DST: variants seen among roughly 807,000 people sequenced by gnomAD.
DST encodes dystonin.
A neutral mutation model predicts 875.2 loss-of-function variants in DST; 253 were observed. The ratio of observed to expected loss-of-function variants is 0.29; its 90% CI spans 0.26 to 0.32. DST has a LOEUF of 0.32. Among genes scored for constraint, DST ranks in the 10% least tolerant of loss-of-function variants. DST has a pLI of 1.00. For synonymous variants in DST, 3,124 were observed against 3,197.1 expected (o/e 0.98, Z 0.77); for missense variants, 8,287 against 9,111.6 (o/e 0.91, Z 3.68).
At chr6:56,516,026 A>G (rs962798995) in intron 71 of DST, among the ~76,000 whole-genome samples, 7 of 152,082 alleles carry the variant, frequency 4.6e-5, no homozygotes, top group African/African-American at 1.7e-4. Context: ...GAAATTGTCA[A>G]AATTTTTAGT....
chr6:56,649,889 G>A (rs1057050675), intron 12 of DST, among the ~76,000 whole-genome samples: 5 of 152,136 alleles, frequency 3.3e-5, no homozygotes, highest in Non-Finnish European at 5.9e-5. Context: ...AAAGCTGTAG[G>A]AAAGCTATCG....
At position 56,602,999 on chromosome 6, in the gene DST, C is replaced by G. The variant is rs1474139400; in HGVS notation, c.11190G>C (p.Leu3730=). The G allele has an allele frequency of 6.3e-7, 1 of 1,585,932 alleles. No individual in the cohort carries two copies. Among genetic ancestry groups the G allele is most frequent in the South Asian group, 1.2e-5 (1 of 85,252 alleles). ...AATCTGAGAATGACTTAAGTTTATG[C>G]AGAAATTCTTCATGGGAAACTGCTA... ...SKLAVSHEEF[L]HKLKSFSDWV... Residue 3730 remains leucine, a synonymous_variant, in exon 43 of 104, where the codon CTG becomes CTC. Transcript: ENST00000680361.
intron 4 of DST, chr6:56,843,562 G>C: frequency 3.0e-6 from 3 of 984,024 alleles, no homozygotes; most frequent in Non-Finnish European, 3.6e-6. Context: ...CACGAGGCGC[G>C]TGCTTCGGGC....
At chr6:56,780,378 C>A (rs2099690589) in intron 4 of DST, among the ~76,000 whole-genome samples, 1 of 151,722 alleles carries the variant, frequency 6.6e-6, no homozygotes, top group Non-Finnish European at 1.5e-5. Flanking sequence ...CACATCCTCT[C>A]CAGCACCTGT....
rs769589506 is a variant in DST, at chr6:56,527,518, GCTT to G, written c.17894_17896del (p.Glu5965del). 1.2e-6 allele frequency: 2 copies of G among 1,613,536 alleles called. No homozygotes were observed. The highest frequency in any genetic ancestry group is 2.7e-5 in the African/African-American group (2 of 75,046). On this transcript the variant is annotated inframe_deletion, in exon 68 of 104. Transcript: ENST00000680361. Reference sequence around the variant, plus strand: ...CTTTGGTCTCATTTGTGCTTGACTTGCTTCTTCTCCTTTCAGAACCTGAGTTTC... The same window carrying G: ...CTTTGGTCTCATTTGTGCTTGACTTGCTTCTCCTTTCAGAACCTGAGTTTC...
At chr6:56,619,665 G>T in intron 36 of DST, 1 of 1,613,714 alleles carries the variant, frequency 6.2e-7, no homozygotes, top group Non-Finnish European at 8.5e-7. Context: ...CTAGCTTCTT[G>T]CATGGCTTCT....
chr6:56,723,222 A>G (rs1182319122), intron 5 of DST, among the ~76,000 whole-genome samples: 2 of 152,200 alleles, frequency 1.3e-5, no homozygotes, highest in Non-Finnish European at 2.9e-5. Flanking sequence ...AATTCAAGAG[A>G]ACCAAAAGGG....
chr6:56,548,194 A>G (rs973936937), intron 61 of DST, among the ~76,000 whole-genome samples: 2 of 152,224 alleles, frequency 1.3e-5, no homozygotes, highest in African/African-American at 4.8e-5. Context: ...AGCTTAAAAA[A>G]ATGGCAAAAA....
At position 56,606,161 on chromosome 6, in the gene DST, T is replaced by C; in HGVS notation, c.8467A>G (p.Asn2823Asp). ...ACATTTTGGCACCTGGGCTTTCCATTCTCATCTCTTATACCTCCTCCTTCT... is the reference window on the plus strand; with the variant it reads ...ACATTTTGGCACCTGGGCTTTCCATCCTCATCTCTTATACCTCCTCCTTCT... ...DEEGGGIRDE[N>D]GKPRCQNVAE... The change falls in exon 40 of 104, where the codon AAT (asparagine) becomes GAT (aspartate). Residue 2823 changes from asparagine to aspartate, a missense_variant. By Grantham distance (23) the Asn-to-Asp change is conservative. Transcript: ENST00000680361. 1.2e-6 allele frequency: 2 copies of C among 1,604,770 alleles called. No homozygotes were observed. Among genetic ancestry groups the C allele is most frequent in the Non-Finnish European group, 8.5e-7 (1 of 1,174,326 alleles).
intron 84 of DST, 114 bp downstream of exon 84, chr6:56,492,820 C>T: frequency 2.1e-6 from 2 of 933,594 alleles, no homozygotes; most frequent in Non-Finnish European, 3.0e-6. Flanking sequence ...TGAAGTAAGC[C>T]AAGATCACAC....
At chr6:56,705,157 G>A (rs2099328433) in intron 5 of DST, among the ~76,000 whole-genome samples, 1 of 152,224 alleles carries the variant, frequency 6.6e-6, no homozygotes, top group Non-Finnish European at 1.5e-5. Flanking sequence ...TGCAAGGTTT[G>A]TGTTGGACAG....
rs1165137050 is a variant in DST at position 56,679,599 on chromosome 6, T to TAAA, written c.1048-8795_1048-8793dup. Among the ~76,000 whole-genome samples the TAAA allele has an allele frequency of 4.3e-3, 484 of 111,846 alleles. 6 individuals carry two copies. The highest frequency in any genetic ancestry group is 0.016 in the African/African-American group (472 of 28,940). 73.4% of individuals were successfully genotyped at this position (111,846 alleles called of 152,430 possible). ...GCAACATAGGAAGACTATGTCTCAT[T>TAAA]AAAAAAAAAAAAAAAAAAAAAATTA... On this transcript the variant is annotated intron_variant, in intron 9 of 103. Transcript: ENST00000680361.
At chr6:56,692,625 AT>A in intron 9 of DST, 1 of 1,289,690 alleles carries the variant, frequency 7.8e-7, no homozygotes. Context: ...AAGAAAAAAC[AT>A]CAGTTTTTTC....
intron 3 of DST, among the ~76,000 whole-genome samples, chr6:56,853,441 C>T (rs941116276): frequency 1.7e-4 from 26 of 152,148 alleles, no homozygotes; most frequent in African/African-American, 6.3e-4. Flanking sequence ...GGGTGACATT[C>T]TTAAAGACTT....
At position 56,751,536 on chromosome 6, in the gene DST, G is replaced by A. The variant is rs1309737640; in HGVS notation, c.626-16247C>T. Reference sequence around the variant, plus strand: ...TTGTACAATACTTTTTAAAATGTGTGACACTACTGCTGGTGTCAGCTTGAA... The same window carrying A: ...TTGTACAATACTTTTTAAAATGTGTAACACTACTGCTGGTGTCAGCTTGAA... On this transcript the variant is annotated intron_variant, in intron 4 of 103. Transcript: ENST00000680361. Among the ~76,000 whole-genome samples the A allele has an allele frequency of 2.6e-5, 4 of 152,042 alleles. No individual in the cohort carries two copies. The East Asian group carries it at 7.7e-4, about 29-fold the overall frequency.
chr6:56,627,014 GAGA>G (rs2152751234), intron 34 of DST, among the ~76,000 whole-genome samples, 187 bp downstream of exon 34: 1 of 152,288 alleles, frequency 6.6e-6, no homozygotes, highest in Admixed American at 6.5e-5. Flanking sequence ...ATATGTGAGA[GAGA>G]AGAAGACGAA....
intron 30 of DST, 113 bp downstream of exon 30, chr6:56,631,097 TA>T: frequency 2.4e-6 from 1 of 424,048 alleles, no homozygotes; most frequent in Non-Finnish European, 3.5e-6. Context: ...ATGTATTTCT[TA>T]AGACAAAATA....
intron 2 of DST, among the ~76,000 whole-genome samples, chr6:56,902,642 C>A (rs1335188829): frequency 6.6e-6 from 1 of 152,220 alleles, no homozygotes; most frequent in Non-Finnish European, 1.5e-5. Context: ...AATCCATCCG[C>A]AAATACTTTA....
chr6:56,901,918 A>G (rs745532200), intron 2 of DST, among the ~76,000 whole-genome samples: 1 of 152,228 alleles, frequency 6.6e-6, no homozygotes, highest in African/African-American at 2.4e-5. Context: ...AATCTAACAT[A>G]GAGTTCATAA....
Sources: gnomAD v4.1 joint callset for allele counts (sites outside exome capture counted in the v4.1 genomes callset) on GRCh38, gnomAD v4.1.1 for gene constraint, MANE v1.5 for transcripts, NCBI Gene and HGNC (gene_info 2026-07-23, HGNC 2026-07-21) for gene names.